Variants in VPS35 observed in about 807,000 individuals in gnomAD.
VPS35 encodes the protein VPS35 retromer complex component.
In VPS35, 21 loss-of-function variants were observed where a neutral mutation model predicts 98.1. The ratio of observed to expected loss-of-function variants is 0.21; its 90% confidence interval spans 0.15 to 0.31. The LOEUF is 0.31. Among genes scored for constraint, VPS35 ranks in the 10% least tolerant of loss-of-function variants. The probability of loss-of-function intolerance (pLI) is 1.00; values close to 1 mark genes in which losing one functional copy is unlikely to be tolerated. For synonymous variants in VPS35, 268 were observed against 318.2 expected, an observed-to-expected ratio of 0.84 and a Z score of 1.68; for missense variants, 554 against 950.8, an observed-to-expected ratio of 0.58 and a Z score of 5.49.
intron 3 of VPS35, 95 bp downstream of exon 3, chr16:46,681,984 T>C (rs1279674708): frequency 2.2e-6 from 2 of 912,578 alleles, no homozygotes; most frequent in East Asian, 5.0e-5. Flanking sequence ...AAGAATAAGA[T>C]AACTCCAGAA....
At position 46,662,606 on chromosome 16, in the gene VPS35, C is replaced by T. The variant is rs1220528898; in HGVS notation, c.1828-124G>A. 18 of 1,448,794 alleles carry T rather than the reference C, an allele frequency of 1.2e-5. No individual in the cohort carries two copies. The East Asian group carries it at 2.9e-4, about 24-fold the overall frequency. The allele number at this position is 1,448,794 out of a possible 1,614,324, so 89.7% of individuals were successfully genotyped here. A position where few individuals can be genotyped will look rare whatever the true frequency, so the allele number is the denominator to read the frequency against. On this transcript the variant is annotated intron_variant, in intron 14 of 16. Transcript: ENST00000299138. ...TCTGCAGCCTTCATATCAGAACATGCTGCACCCTCTCTTGAGAGCCACAGG... is the reference window on the plus strand; with the variant it reads ...TCTGCAGCCTTCATATCAGAACATGTTGCACCCTCTCTTGAGAGCCACAGG...
chr16:46,683,449 C>A, intron 2 of VPS35, 59 bp downstream of exon 2: 1 of 1,487,390 alleles, frequency 6.7e-7, no homozygotes. Context: ...GAAGACACTG[C>A]ACATGCTTCC....
At chr16:46,672,224 T>C (rs1555465808) in intron 11 of VPS35, 41 bp downstream of exon 11, 7 of 1,578,772 alleles carry the variant, frequency 4.4e-6, no homozygotes, top group Non-Finnish European at 6.1e-6. Flanking sequence ...TCTAAAATTG[T>C]AACACTGTTT....
At chr16:46,684,651 G>T (rs1385172481) in intron 1 of VPS35, among the ~76,000 whole-genome samples, 1 of 152,146 alleles carries the variant, frequency 6.6e-6, no homozygotes, top group Non-Finnish European at 1.5e-5. Context: ...ACCACAGCAT[G>T]TATCACATTA....
intron 1 of VPS35, 55 bp downstream of exon 1, chr16:46,689,076 G>C (rs1413805694): frequency 1.9e-6 from 3 of 1,594,140 alleles, no homozygotes; most frequent in Admixed American, 1.7e-5. Flanking sequence ...CGGTGGGAGA[G>C]AGCAGGGGCT....
chr16:46,687,751 C>CG (rs1966342182), intron 1 of VPS35, among the ~76,000 whole-genome samples: 1 of 152,112 alleles, frequency 6.6e-6, no homozygotes, highest in Non-Finnish European at 1.5e-5. Context: ...CCAAAGGGGC[C>CG]GCCAACACTT....
intron 1 of VPS35, chr16:46,688,445 T>C (rs550660542): frequency 1.0e-6 from 1 of 987,150 alleles, no homozygotes; most frequent in African/African-American, 1.7e-5. Context: ...AGTCAAATAC[T>C]TGGATTTTAT....
rs1966083953 is a variant in VPS35, at chr16:46,672,458, C to A, written c.1175G>T (p.Ser392Ile). 1 of 1,612,406 alleles carries A rather than the reference C, an allele frequency of 6.2e-7. No individual in the cohort carries two copies. Among genetic ancestry groups the A allele is most frequent in the Non-Finnish European group, 8.5e-7 (1 of 1,179,734 alleles). Residue 392 changes from serine to isoleucine, a missense_variant, in exon 11 of 17, where the codon AGT becomes ATT. Around this residue, in one of 5 missense-constraint regions of VPS35, gnomAD observed 254 missense variants for 390.1 expected, o/e 0.65. Transcript: ENST00000299138. The stretch of plus-strand genomic sequence containing the variant: ...TCTGGTGAGTTCCTTTGAAACTGCA[C>A]TACTGGTAGCAATACTACAAAAAGA... ...KLNLEHIATS[S>I]AVSKELTRLL...
rs771468030 is a variant in VPS35, at chr16:46,662,957, A to G, written c.1827+26T>C. On this transcript the variant is annotated intron_variant, in intron 14 of 16. Transcript: ENST00000299138. ...AACTGAACCCAGCAGAGCTGACATG[A>G]CAACGCAGAAAGAACAGATCATCAC... is the stretch of plus-strand genomic sequence containing the variant. 1.9e-6 allele frequency: 3 copies of G among 1,614,048 alleles called. No homozygotes were observed. In the South Asian group the frequency reaches 3.3e-5, roughly 18 times the overall value.
intron 1 of VPS35, 179 bp downstream of exon 1, chr16:46,688,952 G>C: frequency 1.3e-6 from 2 of 1,497,146 alleles, no homozygotes. Context: ...CCCCGGCCCG[G>C]ATCAGCCTGC....
At chr16:46,666,730 A>G (rs1220258556) in intron 13 of VPS35, among the ~76,000 whole-genome samples, 1 of 152,256 alleles carries the variant, frequency 6.6e-6, no homozygotes, top group Admixed American at 6.5e-5. Context: ...CCCTGTTGTC[A>G]TAAATGGCAA....
chr16:46,685,816 A>C (rs955485988), intron 1 of VPS35, among the ~76,000 whole-genome samples: 21 of 152,214 alleles, frequency 1.4e-4, no homozygotes, highest in African/African-American at 5.1e-4. Context: ...TGATCCATTT[A>C]GAGATAAACA....
At position 46,672,413 on chromosome 16, in the gene VPS35, T is replaced by C; in HGVS notation, c.1220A>G (p.Asp407Gly). ...GACTGTTAAAATATTGTTGTAAGTG[T>C]CAACTGGTATTTTCAAAAGTCTGGT... Reference protein sequence around the residue: ...ELTRLLKIPVDTYNNILTVLK... With the variant: ...ELTRLLKIPVGTYNNILTVLK... The change falls in exon 11 of 17, where the codon GAC (aspartate) becomes GGC (glycine). Residue 407 changes from aspartate (D) to glycine (G), a missense_variant. Physicochemically the swap from Asp to Gly is moderately conservative, Grantham distance 94. Transcript: ENST00000299138. 6.2e-7 allele frequency: 1 copy of C among 1,613,610 alleles called. No homozygotes were observed. The highest frequency in any genetic ancestry group is 8.5e-7 in the Non-Finnish European group (1 of 1,179,878).
chr16:46,665,590 C>CAAAAAA (rs36051331), intron 13 of VPS35, among the ~76,000 whole-genome samples: 1 of 143,442 alleles, frequency 7.0e-6, no homozygotes, highest in Non-Finnish European at 1.5e-5. Context: ...GACCTTGACT[C>CAAAAAA]AAAAAAAAAA....
chr16:46,661,885 A>C lies in VPS35; in HGVS notation c.2068-24T>G. The C allele has an allele frequency of 6.2e-7, 1 of 1,614,052 alleles. No individual in the cohort carries two copies. The highest frequency in any genetic ancestry group is 8.5e-7 in the Non-Finnish European group (1 of 1,179,986). On this transcript the variant is annotated intron_variant, in intron 15 of 16. Transcript: ENST00000299138. This position sits in a 1 kb window ranked among gnomAD's most constrained non-coding sequence, Gnocchi z 4.3. Reference sequence around the variant, plus strand: ...AGCTAAAATAAAAGGGCAGGGGGACAGTGAAGAGATTAATGAAACATCTCG... The same window carrying C: ...AGCTAAAATAAAAGGGCAGGGGGACCGTGAAGAGATTAATGAAACATCTCG...
In VPS35 at chr16:46,672,235, C is replaced by T. The variant is rs775375862; in HGVS notation, c.1368+30G>A. ...AAAGTCTAAAATTGTAACACTGTTT[C>T]CCTAAAATAGCACGTAGGTATTCTC... On this transcript the variant is annotated intron_variant, in intron 11 of 16. Coordinates refer to ENST00000299138, the MANE Select transcript of VPS35 (RefSeq NM_018206.6). The T allele has an allele frequency of 6.9e-6, 11 of 1,597,088 alleles. No homozygotes were observed. The South Asian group carries it at 1.2e-4, about 18-fold the overall frequency.
chr16:46,672,221 T>C, intron 11 of VPS35, 44 bp downstream of exon 11: 1 of 1,573,460 alleles, frequency 6.4e-7, no homozygotes. Context: ...AAGTCTAAAA[T>C]TGTAACACTG....
intron 12 of VPS35, among the ~76,000 whole-genome samples, chr16:46,671,340 A>G (rs898664537): frequency 2.0e-5 from 3 of 152,354 alleles, no homozygotes; most frequent in South Asian, 4.1e-4. Flanking sequence ...CTCAAGCAAA[A>G]GAAGACAGAC....
At chr16:46,660,838 A>G (rs557977102) in intron 16 of VPS35, 187 bp from the exon 17 acceptor site, 1 of 676,232 alleles carries the variant, frequency 1.5e-6, no homozygotes, top group South Asian at 1.6e-5. Flanking sequence ...AAAAAAAAAA[A>G]ACAACCCTTT....
Sources: gnomAD v4.1 joint callset for allele counts (sites outside exome capture counted in the v4.1 genomes callset) on GRCh38, gnomAD v4.1.1 for gene constraint, gnomAD v4.1.1 regional missense constraint, Gnocchi (gnomAD v3.1) non-coding constraint, MANE v1.5 for transcripts, NCBI Gene and HGNC (gene_info 2026-07-23, HGNC 2026-07-21) for gene names.